Variants in FHOD3 observed in about 807,000 individuals in gnomAD.
FHOD3 encodes the protein formin homology 2 domain containing 3.
Under a neutral mutation model 173.0 loss-of-function variants are expected in FHOD3, and 90 were observed. The ratio of observed to expected loss-of-function variants is 0.52; its 90% CI spans 0.44 to 0.62. The LOEUF (loss-of-function observed/expected upper bound fraction) is 0.62, where lower values mean the gene tolerates loss of function less well. Ranked by LOEUF, FHOD3 falls within the 20% of genes least tolerant of loss-of-function variation. The pLI is 0.00. For missense variants in FHOD3, 1,945 were observed against 2,034.7 expected (o/e 0.96, Z 0.85); for synonymous variants, 828 against 823.0 (o/e 1.01, Z -0.10).
In FHOD3 at chr18:36,687,109, T is replaced by C; in HGVS notation, c.1971-19T>C. The C allele has an allele frequency of 6.3e-7, 1 of 1,589,402 alleles. No individual in the cohort carries two copies. The highest frequency in any genetic ancestry group is 1.1e-5 in the South Asian group (1 of 89,614). ...GTTACTTTCTTTTCCTGTTTGTTTG[T>C]TCTACATATTTCCATTAGCCGAGAT... On this transcript the variant is annotated intron_variant, in intron 15 of 28. Coordinates refer to ENST00000590592, the MANE Select transcript of FHOD3 (RefSeq NM_001281740.3).
At chr18:36,325,765 C>A (rs1321991900) in intron 1 of FHOD3, among the ~76,000 whole-genome samples, 1 of 152,064 alleles carries the variant, frequency 6.6e-6, no homozygotes, top group Non-Finnish European at 1.5e-5. Context: ...GCAGCCTGCA[C>A]CCACAGATTA....
At chr18:36,572,727 TCTTGGGGGGAGGCC>T (rs2058496345) in intron 5 of FHOD3, among the ~76,000 whole-genome samples, 1 of 90,888 alleles carries the variant, frequency 1.1e-5, no homozygotes, top group Non-Finnish European at 2.6e-5. Flanking sequence ...GGCCCTGAGC[TCTTGGGGGGAGGCC>T]TTCAGTCCCA....
At chr18:36,431,668 G>A (rs1366074022) in intron 3 of FHOD3, among the ~76,000 whole-genome samples, 1 of 152,130 alleles carries the variant, frequency 6.6e-6, no homozygotes, top group Non-Finnish European at 1.5e-5. Flanking sequence ...ACATTTTGTT[G>A]TAATTTTAAA....
chr18:36,637,039 A>G (rs539693023), intron 10 of FHOD3, among the ~76,000 whole-genome samples: 1 of 152,300 alleles, frequency 6.6e-6, no homozygotes, highest in African/African-American at 2.4e-5. Flanking sequence ...GTTTGCATTT[A>G]TGGACTTGGG....
intron 5 of FHOD3, among the ~76,000 whole-genome samples, chr18:36,527,803 A>G (rs2056595559): frequency 1.3e-5 from 1 of 74,076 alleles, no homozygotes; most frequent in Non-Finnish European, 4.3e-5. Context: ...AGTGACATGG[A>G]ATATCTATAT....
chr18:36,591,639 C>T (rs999564740), intron 6 of FHOD3, among the ~76,000 whole-genome samples: 2 of 152,086 alleles, frequency 1.3e-5, no homozygotes, highest in African/African-American at 4.8e-5. Context: ...TAGAAAAGGC[C>T]GAGTGTAGTG....
intron 4 of FHOD3, among the ~76,000 whole-genome samples, chr18:36,510,139 C>T (rs980281630): frequency 6.6e-6 from 1 of 152,186 alleles, no homozygotes; most frequent in East Asian, 1.9e-4. Flanking sequence ...AGGCATTGGT[C>T]ATCTCTTTGG....
At chr18:36,559,411 A>G (rs2058011781) in intron 5 of FHOD3, among the ~76,000 whole-genome samples, 1 of 152,174 alleles carries the variant, frequency 6.6e-6, no homozygotes, top group Non-Finnish European at 1.5e-5. Context: ...GAAGCTGTTA[A>G]AATAGGACGA....
At chr18:36,626,584 GC>G (rs1020473850) in intron 10 of FHOD3, among the ~76,000 whole-genome samples, 2 of 152,036 alleles carry the variant, frequency 1.3e-5, no homozygotes, top group Non-Finnish European at 2.9e-5. Context: ...GGGACTTTAG[GC>G]TCCAGTCTCT....
chr18:36,640,497 T>C (rs934535584), intron 10 of FHOD3, among the ~76,000 whole-genome samples: 12 of 152,190 alleles, frequency 7.9e-5, no homozygotes, highest in Non-Finnish European at 1.6e-4. Context: ...AATTTAAGGA[T>C]TCAGTAACAC....
chr18:36,728,346 C>T (rs2041180845), intron 19 of FHOD3, among the ~76,000 whole-genome samples: 1 of 152,188 alleles, frequency 6.6e-6, no homozygotes, highest in Non-Finnish European at 1.5e-5. Context: ...TTTCTCATTC[C>T]TTTAGCATTC....
chr18:36,427,335 T>C, intron 3 of FHOD3, among the ~76,000 whole-genome samples: 1 of 149,516 alleles, frequency 6.7e-6, no homozygotes, highest in Non-Finnish European at 1.5e-5. Context: ...TCCCACTGTC[T>C]GCAGAATATG....
intron 3 of FHOD3, among the ~76,000 whole-genome samples, chr18:36,456,573 A>G (rs981915234): frequency 2.6e-5 from 4 of 152,114 alleles, no homozygotes; most frequent in African/African-American, 4.8e-5. Context: ...TGTAGTTTTC[A>G]AACTGCTCAT....
intron 5 of FHOD3, among the ~76,000 whole-genome samples, chr18:36,540,504 G>A (rs1000160095): frequency 4.6e-5 from 7 of 152,150 alleles, no homozygotes; most frequent in Non-Finnish European, 1.0e-4. Flanking sequence ...AGCACTCCTA[G>A]GGGACTTTTG....
intron 27 of FHOD3, among the ~76,000 whole-genome samples, chr18:36,765,834 G>C (rs2043116899): frequency 6.6e-6 from 1 of 152,014 alleles, no homozygotes; most frequent in Non-Finnish European, 1.5e-5. Context: ...AGATCTGAGG[G>C]ACACAGTTGA....
intron 8 of FHOD3, among the ~76,000 whole-genome samples, chr18:36,604,721 AAACCAGTG>A (rs2031868015): frequency 6.6e-6 from 1 of 152,258 alleles, no homozygotes; most frequent in African/African-American, 2.4e-5. Context: ...TTTAAAAATA[AAACCAGTG>A]AAACAGGTTC....
intron 1 of FHOD3, among the ~76,000 whole-genome samples, chr18:36,313,972 T>A (rs1022246658): frequency 6.6e-6 from 1 of 151,898 alleles, no homozygotes; most frequent in African/African-American, 2.4e-5. Context: ...AGCCTCGACC[T>A]CCTAGGCTCA....
intron 10 of FHOD3, among the ~76,000 whole-genome samples, chr18:36,644,172 C>A (rs1324665204): frequency 6.6e-6 from 1 of 152,076 alleles, no homozygotes; most frequent in East Asian, 1.9e-4. Context: ...AGGCCTGGGC[C>A]CTGGAGTAAC....
chr18:36,303,231 G>C (rs12958664), intron 1 of FHOD3, among the ~76,000 whole-genome samples: 51,147 of 152,104 alleles, frequency 0.34, 9,317 homozygotes, highest in East Asian at 0.56. Flanking sequence ...AGGTTGCCTA[G>C]GGCTATACTG....
Sources: allele counts gnomAD v4.1 joint callset (sites outside exome capture counted in the v4.1 genomes callset), GRCh38; gene constraint gnomAD v4.1.1; transcripts MANE v1.5; gene names NCBI Gene and HGNC (gene_info 2026-07-23, HGNC 2026-07-21).